Variants in TRPC3 observed in about 807,000 individuals in gnomAD.
The protein encoded by TRPC3 is transient receptor potential cation channel subfamily C member 3, also known as short transient receptor potential channel 3.
Under a neutral mutation model 90.9 loss-of-function variants are expected in TRPC3, and 54 were observed. The observed-to-expected ratio is 0.59, with a 90% confidence interval of 0.48 to 0.75. TRPC3 has a LOEUF of 0.75. Among genes scored for constraint, TRPC3 ranks in the 30% least tolerant of loss-of-function variants. The pLI is 0.00. For missense variants in TRPC3, 918 were observed against 1,194.5 expected (o/e 0.77, Z 3.41); for synonymous variants, 424 against 450.9 (o/e 0.94, Z 0.75).
chr4:121,910,086 T>C, intron 6 of TRPC3, 68 bp downstream of exon 6: 1 of 1,263,172 alleles, frequency 7.9e-7, no homozygotes, highest in Non-Finnish European at 1.1e-6. Flanking sequence ...CCAATTGGCA[T>C]TTCCTTCCAA....
chr4:121,926,695 C>T (rs1163202806), intron 2 of TRPC3, among the ~76,000 whole-genome samples: 8 of 152,200 alleles, frequency 5.3e-5, no homozygotes, highest in African/African-American at 1.9e-4. Flanking sequence ...GCATGAGTCA[C>T]CGCACCCGGC....
chr4:121,938,794 G>A (rs2149148251), intron 1 of TRPC3, among the ~76,000 whole-genome samples: 1 of 151,760 alleles, frequency 6.6e-6, no homozygotes, highest in Non-Finnish European at 1.5e-5. Flanking sequence ...TGACAACTAT[G>A]CCCAGCATCT....
chr4:121,900,750 G>A (rs1181111271), intron 9 of TRPC3, among the ~76,000 whole-genome samples: 1 of 152,188 alleles, frequency 6.6e-6, no homozygotes, highest in Non-Finnish European at 1.5e-5. Context: ...TTAAAGAGAT[G>A]TAAACAGCTA....
chr4:121,910,945 A>C (rs1507992), intron 5 of TRPC3, among the ~76,000 whole-genome samples: 185 of 152,320 alleles, frequency 1.2e-3, no homozygotes, highest in African/African-American at 4.3e-3. Flanking sequence ...CTTAAGTGAG[A>C]GGTCCTAGGA....
Position 121,951,777 on chromosome 4 carries a change from C to G in TRPC3, c.-97G>C. 1 of 1,076,826 alleles carries G rather than the reference C, an allele frequency of 9.3e-7. No individual in the cohort carries two copies. The highest frequency in any genetic ancestry group is 1.2e-6 in the Non-Finnish European group (1 of 827,792). The allele number at this position is 1,076,826 out of a possible 1,614,324, so 66.7% of individuals were successfully genotyped here. On this transcript the variant is annotated 5_prime_UTR_variant, in exon 1 of 12. Transcript: ENST00000379645. The surrounding 1 kb of genome is among the most constrained non-coding windows in gnomAD (Gnocchi z 4.4). ...CCCGCGGCGCCCCTTCACCACCTCC[C>G]GCGGCTTCCGGGGCCCCGGGCGGCC...
intron 4 of TRPC3, among the ~76,000 whole-genome samples, chr4:121,913,478 T>C (rs1023333640): frequency 6.6e-6 from 1 of 152,188 alleles, no homozygotes; most frequent in African/African-American, 2.4e-5. Flanking sequence ...GCCACACTGT[T>C]AGTTGTACTT....
intron 1 of TRPC3, among the ~76,000 whole-genome samples, chr4:121,941,989 CT>C (rs368425500): frequency 2.2e-4 from 34 of 152,252 alleles, no homozygotes; most frequent in African/African-American, 7.9e-4. Context: ...ACTTCTCAGC[CT>C]GCATCTACCT....
chr4:121,914,905 T>C lies in TRPC3; in HGVS notation c.1216A>G (p.Ile406Val). Reference protein sequence around the residue: ...HPNCQQQLLTIWYENLSGLRE... With the variant: ...HPNCQQQLLTVWYENLSGLRE... ...AGGCCTGAGAGGTTCTCATACCAGA[T>C]CGTCAAGAGCTGCTGCTGGCAGTTG... The change falls in exon 4 of 12, where the codon ATC becomes GTC. Residue 406 changes from isoleucine (I) to valine (V), a missense_variant. This residue lies in a region of TRPC3 where 609 missense variants were observed against 725.9 expected (regional missense o/e 0.84). Coordinates refer to ENST00000379645, the MANE Select transcript of TRPC3 (RefSeq NM_001130698.2). The C allele has an allele frequency of 6.2e-7, 1 of 1,611,556 alleles. No homozygotes were observed. The highest frequency in any genetic ancestry group is 8.5e-7 in the Non-Finnish European group (1 of 1,178,096).
In TRPC3 at chr4:121,877,733, A is replaced by G. The variant is rs1727803307; in HGVS notation, c.*2003T>C. ...ATACCAGTTTGTACATAGTAAATAAAGAAAAAATGCCTGTTAAGAGCTCTA... is the reference window on the plus strand; with the variant it reads ...ATACCAGTTTGTACATAGTAAATAAGGAAAAAATGCCTGTTAAGAGCTCTA... On this transcript the variant is annotated 3_prime_UTR_variant, in exon 12 of 12. Coordinates refer to ENST00000379645, the MANE Select transcript of TRPC3 (RefSeq NM_001130698.2). Among the ~76,000 whole-genome samples the G allele has an allele frequency of 6.6e-6, 1 of 151,804 alleles. No homozygotes were observed. Among genetic ancestry groups the G allele is most frequent in the South Asian group, 2.1e-4 (1 of 4,822 alleles).
At chr4:121,910,915 C>T (rs1447246336) in intron 5 of TRPC3, among the ~76,000 whole-genome samples, 4 of 152,228 alleles carry the variant, frequency 2.6e-5, no homozygotes, top group Non-Finnish European at 4.4e-5. Flanking sequence ...TGAGCAATAT[C>T]GTTTGAAAAA....
intron 3 of TRPC3, among the ~76,000 whole-genome samples, chr4:121,920,130 A>G (rs1023022256): frequency 1.3e-5 from 2 of 152,220 alleles, no homozygotes; most frequent in Admixed American, 1.3e-4. Context: ...CTTCCAGTGT[A>G]TTCCATTCTC....
At chr4:121,939,648 C>T (rs1730238645) in intron 1 of TRPC3, among the ~76,000 whole-genome samples, 1 of 152,226 alleles carries the variant, frequency 6.6e-6, no homozygotes, top group Non-Finnish European at 1.5e-5. Flanking sequence ...GCTATGAGAG[C>T]CAGGTAGCCT....
chr4:121,941,931 T>C (rs1204891690), intron 1 of TRPC3, among the ~76,000 whole-genome samples: 6 of 152,186 alleles, frequency 3.9e-5, no homozygotes, highest in Non-Finnish European at 1.5e-5. Flanking sequence ...TTCAACTGTC[T>C]AGTTAGAGAG....
rs994071550 is a variant in TRPC3 at position 121,932,209 on chromosome 4, C to G, written c.987+62G>C. 28 of 1,577,312 alleles carry G rather than the reference C, an allele frequency of 1.8e-5. No homozygotes were observed. Among genetic ancestry groups the G allele is most frequent in the Non-Finnish European group, 2.3e-5 (27 of 1,160,038 alleles). On this transcript the variant is annotated intron_variant, in intron 2 of 11. Coordinates refer to ENST00000379645, the MANE Select transcript of TRPC3 (RefSeq NM_001130698.2). This position sits in a 1 kb window ranked among gnomAD's most constrained non-coding sequence, Gnocchi z 7.7. ...TGGAGCGAACGGTGGCAGAGCAGGC[C>G]AGGCAGCAGCGGGGAAGTTGGGTGA... is the stretch of plus-strand genomic sequence containing the variant.
At position 121,951,687 on chromosome 4, in the gene TRPC3, G is replaced by A. The variant is rs1024771952; in HGVS notation, c.-7C>T. The A allele has an allele frequency of 7.6e-7, 1 of 1,315,918 alleles. No homozygotes were observed. Among genetic ancestry groups the A allele is most frequent in the East Asian group, 3.1e-5 (1 of 31,920 alleles). The allele number at this position is 1,315,918 out of a possible 1,614,324, so 81.5% of individuals were successfully genotyped here. ...TCCTGACCTTGGTGGACATCGCGCC[G>A]GCTGCGGTCCGAGTGTGGGGGTGCC... is the stretch of plus-strand genomic sequence containing the variant. On this transcript the variant is annotated 5_prime_UTR_variant, in exon 1 of 12. Transcript: ENST00000379645. This position sits in a 1 kb window ranked among gnomAD's most constrained non-coding sequence, Gnocchi z 4.4.
chr4:121,881,549 A>G (rs1727943434), intron 11 of TRPC3, among the ~76,000 whole-genome samples: 1 of 152,216 alleles, frequency 6.6e-6, no homozygotes, highest in Non-Finnish European at 1.5e-5. Context: ...TCTCTTCTAC[A>G]TACATACACT....
Position 121,910,379 on chromosome 4 carries a change from A to G in TRPC3, c.1567T>C (p.Trp523Arg). 1 of 1,613,302 alleles carries G rather than the reference A, an allele frequency of 6.2e-7. No homozygotes were observed. The highest frequency in any genetic ancestry group is 8.5e-7 in the Non-Finnish European group (1 of 1,179,466). The change falls in exon 6 of 12, where the codon TGG becomes CGG. Residue 523 changes from tryptophan to arginine, a missense_variant. Trp to Arg is a moderately radical substitution (Grantham distance 101). Transcript: ENST00000379645. ...AGCCAGAGCTCTTTACATTCAGACC[A>G]CATCATTCCTGTCACAACAAATACA... ...LIMVWVLGMM[W>R]SECKELWLEG...
chr4:121,919,088 A>G (rs1046041280), intron 3 of TRPC3, among the ~76,000 whole-genome samples: 5 of 152,238 alleles, frequency 3.3e-5, no homozygotes, highest in Non-Finnish European at 5.9e-5. Flanking sequence ...AGAATGCTTG[A>G]CACAAGAAAA....
chr4:121,923,102 G>C (rs923137293), intron 3 of TRPC3, among the ~76,000 whole-genome samples: 5 of 150,830 alleles, frequency 3.3e-5, no homozygotes, highest in African/African-American at 9.7e-5. Context: ...AAGAGACACA[G>C]AGAGAGAGAG....
Sources: allele counts gnomAD v4.1 joint callset (sites outside exome capture counted in the v4.1 genomes callset), GRCh38; gene constraint gnomAD v4.1.1; regional missense constraint gnomAD v4.1.1; non-coding constraint Gnocchi (gnomAD v3.1); transcripts MANE v1.5; gene names NCBI Gene and HGNC (gene_info 2026-07-23, HGNC 2026-07-21).